MDGA2: variants seen among roughly 807,000 people sequenced by gnomAD.
MDGA2 encodes MAM domain containing glycosylphosphatidylinositol anchor 2.
Under a neutral mutation model 117.8 loss-of-function variants are expected in MDGA2, and 40 were observed. The observed-to-expected ratio is 0.34, with a 90% CI of 0.26 to 0.44. The LOEUF (loss-of-function observed/expected upper bound fraction) is 0.44. Ranked by LOEUF, MDGA2 falls within the 20% of genes least tolerant of loss-of-function variation. The probability of loss-of-function intolerance (pLI) is 1.00; values close to 1 mark genes in which losing one functional copy is unlikely to be tolerated. For synonymous variants in MDGA2, 452 were observed against 439.0 expected (o/e 1.03, Z -0.37); for missense variants, 1,123 against 1,250.6 (o/e 0.90, Z 1.54).
intron 4 of MDGA2, among the ~76,000 whole-genome samples, chr14:47,136,773 T>C (rs2139173628): frequency 6.6e-6 from 1 of 152,294 alleles, no homozygotes; most frequent in African/African-American, 2.4e-5. Context: ...GCTGACTAGA[T>C]AGGAATAGAG....
At chr14:47,097,232 C>T (rs1244208004) in intron 5 of MDGA2, 109 bp from the exon 6 acceptor site, 3 of 1,183,742 alleles carry the variant, frequency 2.5e-6, no homozygotes, top group Non-Finnish European at 3.6e-6. Context: ...AAATATAGTC[C>T]TCTTTTGCCA....
chr14:46,858,923 G>A (rs1398864622), intron 14 of MDGA2, among the ~76,000 whole-genome samples: 1 of 152,092 alleles, frequency 6.6e-6, no homozygotes, highest in African/African-American at 2.4e-5. Context: ...ATCTTTCTCA[G>A]AAGGCTATTG....
intron 5 of MDGA2, among the ~76,000 whole-genome samples, chr14:47,103,617 C>T (rs1254490921): frequency 6.6e-6 from 1 of 152,194 alleles, no homozygotes; most frequent in Non-Finnish European, 1.5e-5. Flanking sequence ...AGCCAACATG[C>T]ATTTCTCATT....
At chr14:47,635,773 A>G (rs890819991) in intron 1 of MDGA2, among the ~76,000 whole-genome samples, 7 of 152,240 alleles carry the variant, frequency 4.6e-5, no homozygotes, top group African/African-American at 1.7e-4. Context: ...ACTTTCAGGA[A>G]CAATAATGCT....
intron 1 of MDGA2, among the ~76,000 whole-genome samples, chr14:47,467,204 A>G (rs1459350938): frequency 6.6e-6 from 1 of 152,148 alleles, no homozygotes; most frequent in Admixed American, 6.6e-5. Context: ...TAGAGGAGGA[A>G]AAATAGAGCC....
At chr14:46,921,088 A>G (rs1884109790) in intron 9 of MDGA2, among the ~76,000 whole-genome samples, 1 of 152,142 alleles carries the variant, frequency 6.6e-6, no homozygotes, top group Admixed American at 6.5e-5. Flanking sequence ...TACAAATAAC[A>G]TATTTATTTA....
At chr14:46,904,580 A>G (rs1883418706) in intron 10 of MDGA2, among the ~76,000 whole-genome samples, 1 of 152,130 alleles carries the variant, frequency 6.6e-6, no homozygotes. Flanking sequence ...GCAACCTAAA[A>G]AGCGTTGCTT....
chr14:47,085,940 T>C (rs1413954802), intron 6 of MDGA2, among the ~76,000 whole-genome samples: 1 of 152,092 alleles, frequency 6.6e-6, no homozygotes, highest in Admixed American at 6.6e-5. Flanking sequence ...ACATAAACTT[T>C]AAGATAGCAG....
intron 10 of MDGA2, among the ~76,000 whole-genome samples, chr14:46,917,722 G>T (rs985616448): frequency 6.6e-6 from 1 of 152,246 alleles, no homozygotes; most frequent in Non-Finnish European, 1.5e-5. Context: ...GTATCAGGGA[G>T]TTATACACCA....
At chr14:47,044,773 TA>T (rs1889197376) in intron 7 of MDGA2, among the ~76,000 whole-genome samples, 1 of 152,200 alleles carries the variant, frequency 6.6e-6, no homozygotes, top group African/African-American at 2.4e-5. Flanking sequence ...AACATGAGGT[TA>T]AAATACCACA....
intron 1 of MDGA2, among the ~76,000 whole-genome samples, chr14:47,438,254 A>C (rs1182547481): frequency 1.3e-5 from 2 of 152,168 alleles, no homozygotes; most frequent in Non-Finnish European, 2.9e-5. Context: ...ATTTTAGCTC[A>C]TCTTCAATAC....
chr14:46,845,701 A>T (rs2138271402), intron 16 of MDGA2, 65 bp downstream of exon 16: 1 of 948,322 alleles, frequency 1.1e-6, no homozygotes, highest in South Asian at 1.8e-5. Context: ...ATTAAATTAA[A>T]TGTTAATTTA....
chr14:47,306,817 T>C (rs1427359026), intron 1 of MDGA2, among the ~76,000 whole-genome samples: 3 of 131,488 alleles, frequency 2.3e-5, no homozygotes, highest in Non-Finnish European at 4.8e-5. Context: ...GACAGAGAGA[T>C]AGAGAGACAG....
At chr14:46,994,903 A>G (rs1887230739) in intron 8 of MDGA2, among the ~76,000 whole-genome samples, 1 of 152,138 alleles carries the variant, frequency 6.6e-6, no homozygotes. Flanking sequence ...TCCTTTAATC[A>G]GTTTTCTGAA....
At chr14:46,952,414 A>G (rs1885400707) in intron 9 of MDGA2, among the ~76,000 whole-genome samples, 1 of 151,966 alleles carries the variant, frequency 6.6e-6, no homozygotes, top group Non-Finnish European at 1.5e-5. Flanking sequence ...ATTCCCAAGG[A>G]CTTTGTGGAA....
At chr14:47,104,006 C>CATG (rs1880491793) in intron 5 of MDGA2, among the ~76,000 whole-genome samples, 1 of 152,214 alleles carries the variant, frequency 6.6e-6, no homozygotes, top group East Asian at 1.9e-4. Flanking sequence ...GCACACTCTG[C>CATG]ATGACTCTCC....
At chr14:47,574,406 T>C (rs1180793986) in intron 1 of MDGA2, among the ~76,000 whole-genome samples, 2 of 152,212 alleles carry the variant, frequency 1.3e-5, no homozygotes, top group African/African-American at 2.4e-5. Flanking sequence ...TTCATATGCT[T>C]TGTCCCTGGC....
At chr14:47,416,238 T>C (rs1462757582) in intron 1 of MDGA2, among the ~76,000 whole-genome samples, 3 of 152,132 alleles carry the variant, frequency 2.0e-5, no homozygotes, top group African/African-American at 4.8e-5. Flanking sequence ...AAACATGTTA[T>C]GCATTTCCAT....
chr14:47,580,895 T>C (rs1896217756), intron 1 of MDGA2, among the ~76,000 whole-genome samples: 1 of 151,988 alleles, frequency 6.6e-6, no homozygotes, highest in South Asian at 2.1e-4. Context: ...GGAGCATATA[T>C]CAACAGTAGT....
Sources: allele counts gnomAD v4.1 joint callset (sites outside exome capture counted in the v4.1 genomes callset), GRCh38; gene constraint gnomAD v4.1.1; transcripts MANE v1.5; gene names NCBI Gene and HGNC (gene_info 2026-07-23, HGNC 2026-07-21).